The following ARHGEF3 variants were observed in gnomAD, a reference collection of about 807,000 sequenced individuals.
The protein encoded by ARHGEF3 is Rho guanine nucleotide exchange factor 3, also known as 59.8 kDA protein.
A neutral mutation model predicts 63.2 loss-of-function variants in ARHGEF3; 28 were observed. The observed-to-expected ratio is 0.44, with a 90% CI of 0.33 to 0.61. The LOEUF is 0.61. Ranked by LOEUF, ARHGEF3 falls within the 20% of genes least tolerant of loss-of-function variation. The probability of loss-of-function intolerance (pLI) is 0.03; values close to 1 mark genes in which losing one functional copy is unlikely to be tolerated. For synonymous variants in ARHGEF3, 266 were observed against 254.2 expected (o/e 1.05, Z -0.44); for missense variants, 533 against 659.3 (o/e 0.81, Z 2.10).
chr3:57,030,124 G>GCTGGGGCAAATTGCAATT (rs1364544300), intron 2 of ARHGEF3, among the ~76,000 whole-genome samples: 1 of 152,192 alleles, frequency 6.6e-6, no homozygotes, highest in African/African-American at 2.4e-5. Context: ...TGCCTGCAGC[G>GCTGGGGCAAATTGCAATT]CTGGGGCAAA....
At chr3:56,988,283 A>C (rs997127714) in intron 2 of ARHGEF3, among the ~76,000 whole-genome samples, 70 of 152,202 alleles carry the variant, frequency 4.6e-4, no homozygotes, top group African/African-American at 1.6e-3. Flanking sequence ...AGTAGCTGGG[A>C]CTACAGACGC....
upstream of ARHGEF3, among the ~76,000 whole-genome samples, chr3:56,803,946 A>C (rs895031544): frequency 1.3e-5 from 2 of 148,424 alleles, no homozygotes; most frequent in Non-Finnish European, 3.0e-5. Flanking sequence ...GTGTAGTGGC[A>C]TGATCTTGGC....
intron 1 of ARHGEF3, among the ~76,000 whole-genome samples, chr3:57,054,141 G>T (rs748502689): frequency 2.4e-4 from 36 of 152,168 alleles, no homozygotes; most frequent in Admixed American, 6.5e-4. Context: ...GTGAGTTCCA[G>T]TTGCACCATA....
intron 3 of ARHGEF3, among the ~76,000 whole-genome samples, chr3:56,917,714 G>C (rs1256651448): frequency 6.6e-6 from 1 of 152,166 alleles, no homozygotes; most frequent in Non-Finnish European, 1.5e-5. Flanking sequence ...CTAGGCAAAA[G>C]AACTGGCAAA....
At chr3:56,800,521 A>G (rs1449059753) in intron 1 of ARHGEF3, among the ~76,000 whole-genome samples, 1 of 152,200 alleles carries the variant, frequency 6.6e-6, no homozygotes, top group Non-Finnish European at 1.5e-5. Context: ...ATACAACCAG[A>G]GACTGCTTGG....
chr3:57,009,436 C>A, intron 2 of ARHGEF3, among the ~76,000 whole-genome samples: 1 of 152,150 alleles, frequency 6.6e-6, no homozygotes, highest in Non-Finnish European at 1.5e-5. Context: ...ACCCCTTATC[C>A]CAGTCCCTCA....
At chr3:56,925,103 A>G (rs1016154764) in intron 3 of ARHGEF3, among the ~76,000 whole-genome samples, 3 of 152,116 alleles carry the variant, frequency 2.0e-5, no homozygotes, top group Non-Finnish European at 4.4e-5. Flanking sequence ...TCAGCCAATC[A>G]TGTGCTGGGA....
In ARHGEF3 at chr3:56,729,495, CA is replaced by C. The variant is rs1445194572; in HGVS notation, c.1355del (p.Leu452CysfsTer17). On this transcript the variant is annotated frameshift_variant, in exon 10 of 10. Coordinates refer to ENST00000296315, the MANE Select transcript of ARHGEF3 (RefSeq NM_019555.3). LOFTEE classifies it high-confidence loss of function. ...NCIRQAKETVLCAAGQAGVLD... is the reference protein window; with the variant it reads ...NCIRQAKETVXCAAGQAGVLD... ...GCACCCCAGCTTGCCCGGCAGCACA[CA>C]AAACTGTTTCTTTGGCTTGACGAAT... The C allele has an allele frequency of 6.2e-7, 1 of 1,614,198 alleles. No individual in the cohort carries two copies. Among genetic ancestry groups the C allele is most frequent in the Non-Finnish European group, 8.5e-7 (1 of 1,180,038 alleles).
intron 3 of ARHGEF3, among the ~76,000 whole-genome samples, chr3:56,957,423 T>C (rs184253646): frequency 1.2e-3 from 183 of 152,354 alleles, no homozygotes; most frequent in African/African-American, 4.3e-3. Flanking sequence ...GCAAGAAAAG[T>C]ATTTGGTATC....
At chr3:56,781,008 C>T (rs2036537046) in intron 1 of ARHGEF3, among the ~76,000 whole-genome samples, 1 of 152,172 alleles carries the variant, frequency 6.6e-6, no homozygotes, top group African/African-American at 2.4e-5. Context: ...AGAAGAGTCA[C>T]ACTAGTTTAG....
rs555535336 is a variant in ARHGEF3 at position 56,983,069 on chromosome 3, T to C, written c.63-24180A>G. Among the ~76,000 whole-genome samples the C allele has an allele frequency of 7.2e-5, 11 of 152,282 alleles. No homozygotes were observed. In the East Asian group the frequency reaches 1.5e-3, roughly 21 times the overall value. On this transcript the variant is annotated intron_variant, in intron 2 of 12. Coordinates refer to the ARHGEF3 transcript ENST00000338458. ...AAGTAAGCAATAAAAAAAATAATAA[T>C]TTAACTTCTAAGTTAAATTTGAGGT... is the stretch of plus-strand genomic sequence containing the variant.
At chr3:56,953,024 T>C (rs1699881050) in intron 3 of ARHGEF3, among the ~76,000 whole-genome samples, 1 of 152,096 alleles carries the variant, frequency 6.6e-6, no homozygotes, top group Non-Finnish European at 1.5e-5. Context: ...ATAGCAGGGG[T>C]GGGGCTCTGT....
chr3:56,801,943 C>T lies in ARHGEF3; in HGVS notation c.-145G>A, dbSNP rs545430865. On this transcript the variant is annotated 5_prime_UTR_variant, in exon 1 of 10. Coordinates refer to ENST00000296315, the MANE Select transcript of ARHGEF3 (RefSeq NM_019555.3). ...ACAGCCGGCTTCTAGCCGGGCAGGA[C>T]TCGACTGGGCTCCGGAGCCGAGTGG... The T allele has an allele frequency of 5.1e-4, 779 of 1,530,652 alleles. 7 individuals are homozygous for T. The South Asian group carries it at 9.0e-3, about 18-fold the overall frequency. 94.8% of individuals were successfully genotyped at this position (1,530,652 alleles called of 1,614,324 possible).
chr3:56,983,960 G>A (rs890225284), intron 2 of ARHGEF3, among the ~76,000 whole-genome samples: 10 of 140,008 alleles, frequency 7.1e-5, no homozygotes, highest in Non-Finnish European at 6.2e-5. Context: ...AAAAAAGACT[G>A]GCTATCCCAG....
At chr3:56,934,504 TGGCG>T (rs2042497546) in intron 3 of ARHGEF3, among the ~76,000 whole-genome samples, 1 of 149,960 alleles carries the variant, frequency 6.7e-6, no homozygotes, top group African/African-American at 2.5e-5. Context: ...CGTGCGGTGC[TGGCG>T]GGCCAGCTGG....
rs1259503935 is a variant in ARHGEF3 at position 56,967,381 on chromosome 3, A to G, written c.63-8492T>C. 1.7e-3 allele frequency among the ~76,000 whole-genome samples: 79 copies of G among 47,648 alleles called. 6 individuals are homozygous for G. The highest frequency in any genetic ancestry group is 4.0e-3 in the East Asian group (5 of 1,260). The allele number at this position is 47,648 out of a possible 152,430, so 31.3% of individuals were successfully genotyped here. The stretch of plus-strand genomic sequence containing the variant: ...AATATTATATTATATATTATATATT[A>G]TACATATTATATATTATATAATATA... On this transcript the variant is annotated intron_variant, in intron 2 of 12. Transcript: ENST00000338458.
intron 3 of ARHGEF3, among the ~76,000 whole-genome samples, chr3:56,890,067 ATAAAT>A (rs1037190919): frequency 2.6e-5 from 4 of 152,128 alleles, no homozygotes; most frequent in African/African-American, 9.7e-5. Context: ...TTCTCAATAA[ATAAAT>A]AAATAAATAC....
chr3:56,850,805 G>C (rs1020204326), intron 4 of ARHGEF3, among the ~76,000 whole-genome samples: 1 of 152,084 alleles, frequency 6.6e-6, no homozygotes, highest in African/African-American at 2.4e-5. Context: ...TCATTTTATG[G>C]AGCTTACTAC....
chr3:56,904,958 C>T (rs2041638458), intron 3 of ARHGEF3, among the ~76,000 whole-genome samples: 1 of 152,190 alleles, frequency 6.6e-6, no homozygotes, highest in Non-Finnish European at 1.5e-5. Context: ...TGTCGAAACT[C>T]CATTACTCTG....
Sources: gnomAD v4.1 joint callset for allele counts (sites outside exome capture counted in the v4.1 genomes callset) on GRCh38, gnomAD v4.1.1 for gene constraint, MANE v1.5 for transcripts, NCBI Gene and HGNC (gene_info 2026-07-23, HGNC 2026-07-21) for gene names.